Variants in MACROH2A1 observed in about 807,000 individuals in gnomAD.
The protein encoded by MACROH2A1 is macroH2A.1 histone, also known as core histone macro-H2A.1.
Under a neutral mutation model 31.6 loss-of-function variants are expected in MACROH2A1, and 2 were observed. That is an observed-to-expected ratio of 0.06 (90% CI 0.03 to 0.20). The LOEUF (loss-of-function observed/expected upper bound fraction) is 0.20, where lower values mean the gene tolerates loss of function less well. Among genes scored for constraint, MACROH2A1 ranks in the 10% least tolerant of loss-of-function variants. The pLI is 1.00. For synonymous variants in MACROH2A1, 169 were observed against 189.6 expected, an observed-to-expected ratio of 0.89 and a Z score of 0.89; for missense variants, 230 against 474.0, an observed-to-expected ratio of 0.49 and a Z score of 4.78.
At chr5:135,353,349 C>A in intron 5 of MACROH2A1, 1 of 342,246 alleles carries the variant, frequency 2.9e-6, no homozygotes, top group South Asian at 3.3e-5. Context: ...GATCTGGGGG[C>A]CAAAGTAAGG....
At position 135,360,370 on chromosome 5, in the gene MACROH2A1, A is replaced by G. The variant is rs1387778124; in HGVS notation, c.588+127T>C. On this transcript the variant is annotated intron_variant, in intron 5 of 8. Transcript: ENST00000511689. The stretch of plus-strand genomic sequence containing the variant: ...CCCTGAGGCCACTCCCAAAGCTCAC[A>G]GCCCACTCTGTCTACCCACGAGGCT... 3 of 666,806 alleles carry G rather than the reference A, an allele frequency of 4.5e-6. No homozygotes were observed. In the African/African-American group the frequency reaches 5.4e-5, roughly 12 times the overall value. 41.3% of individuals were successfully genotyped at this position (666,806 alleles called of 1,614,324 possible).
At position 135,350,958 on chromosome 5, in the gene MACROH2A1, C is replaced by T. The variant is rs369522859; in HGVS notation, c.688+1988G>A. ...GTATATCAACTGTGTTGGACCGAGA[C>T]CCACGCACAGGCACATTTACTAATG... On this transcript the variant is annotated intron_variant, in intron 6 of 8. Transcript: ENST00000511689. The T allele has an allele frequency of 9.2e-6, 12 of 1,298,436 alleles. No homozygotes were observed. In the African/African-American group the frequency reaches 1.2e-4, roughly 13 times the overall value. 80.4% of individuals were successfully genotyped at this position (1,298,436 alleles called of 1,614,324 possible). A position where few individuals can be genotyped will look rare whatever the true frequency, so the allele number is the denominator to read the frequency against.
chr5:135,340,736 C>T (rs1177552401), intron 8 of MACROH2A1, among the ~76,000 whole-genome samples: 1 of 152,258 alleles, frequency 6.6e-6, no homozygotes, highest in African/African-American at 2.4e-5. Context: ...GCCAGAGACA[C>T]TGGATGCAAC....
chr5:135,354,718 C>T (rs897691122), intron 5 of MACROH2A1: 8 of 274,032 alleles, frequency 2.9e-5, no homozygotes, highest in African/African-American at 1.8e-4. Context: ...GGCACAGAGT[C>T]GGGGGCCTTA....
chr5:135,350,737 C>T, intron 6 of MACROH2A1: 2 of 791,406 alleles, frequency 2.5e-6, no homozygotes, highest in Non-Finnish European at 4.4e-6. Flanking sequence ...GAATGCAGCC[C>T]TGCATAGCTG....
intron 1 of MACROH2A1, among the ~76,000 whole-genome samples, chr5:135,389,652 G>A (rs1264405948): frequency 1.3e-5 from 2 of 152,186 alleles, no homozygotes; most frequent in Non-Finnish European, 2.9e-5. Context: ...GGCCCTCTGA[G>A]CACTTCTAGT....
At position 135,370,078 on chromosome 5, in the gene MACROH2A1, C is replaced by T; in HGVS notation, c.237G>A (p.Arg79=). The change falls in exon 3 of 9, where the codon CGG becomes CGA. Residue 79 remains arginine, a synonymous_variant. Transcript: ENST00000511689. ...CATTGGCCACAGCCAGCAGGATGTG[C>T]CGGGGTGTGACCCGTCCCTTCTTGT... ...RDNKKGRVTP[R]HILLAVANDE... is the part of the protein sequence containing the mutation. 1 of 1,613,706 alleles carries T rather than the reference C, an allele frequency of 6.2e-7. No homozygotes were observed. Among genetic ancestry groups the T allele is most frequent in the Non-Finnish European group, 8.5e-7 (1 of 1,179,648 alleles).
intron 4 of MACROH2A1, among the ~76,000 whole-genome samples, chr5:135,366,937 A>C (rs1581246177): frequency 6.6e-6 from 1 of 152,170 alleles, no homozygotes; most frequent in Non-Finnish European, 1.5e-5. Flanking sequence ...GGCTCTGGAC[A>C]CCCAGCCCCT....
rs745664062 is a variant in MACROH2A1 at position 135,343,161 on chromosome 5, T to C, written c.953+99A>G. The stretch of plus-strand genomic sequence containing the variant: ...TCTGGTCTCCTTGGTTAAGGCAGCC[T>C]CCGTGGGCCTTGCACAGAGTGAGAG... On this transcript the variant is annotated intron_variant, in intron 8 of 8. Transcript: ENST00000511689. 2.5e-6 allele frequency: 4 copies of C among 1,596,868 alleles called. No homozygotes were observed. In the South Asian group the frequency reaches 4.4e-5, roughly 18 times the overall value.
At chr5:135,360,931 T>C in intron 4 of MACROH2A1, 1 of 434,308 alleles carries the variant, frequency 2.3e-6, no homozygotes, top group South Asian at 2.0e-5. Flanking sequence ...ATTAAGGATC[T>C]TTAAGTGTCT....
chr5:135,347,486 A>C (rs995009089), intron 6 of MACROH2A1: 2 of 152,216 alleles, frequency 1.3e-5, no homozygotes, highest in Non-Finnish European at 2.9e-5. Context: ...TCATGATCTC[A>C]GACTGCCCTC....
upstream of MACROH2A1, chr5:135,399,273 C>T (rs1209386639): frequency 4.6e-5 from 7 of 151,810 alleles, no homozygotes; most frequent in African/African-American, 1.2e-4. The surrounding 1 kb of genome is among the most constrained non-coding windows in gnomAD (Gnocchi z 4.5). Context: ...CACAGCGCGC[C>T]GCTCGTCACA....
chr5:135,374,055 C>T (rs932362635), intron 2 of MACROH2A1, among the ~76,000 whole-genome samples: 3 of 152,122 alleles, frequency 2.0e-5, no homozygotes, highest in East Asian at 1.9e-4. Context: ...AGCAGAGGGC[C>T]GGGGCATTTC....
intron 5 of MACROH2A1, chr5:135,358,118 A>T (rs1238064080): frequency 1.0e-6 from 1 of 984,236 alleles, no homozygotes; most frequent in Non-Finnish European, 1.2e-6. Context: ...TTTTGTAAAA[A>T]CTGTGTGTTA....
chr5:135,336,067 G>C (rs1224013074), intron 8 of MACROH2A1, among the ~76,000 whole-genome samples: 1 of 152,230 alleles, frequency 6.6e-6, no homozygotes, highest in African/African-American at 2.4e-5. Flanking sequence ...TACAGTCACA[G>C]ATCCGCCTGA....
In MACROH2A1 at chr5:135,398,367, G is replaced by T. The variant is rs1035403107; in HGVS notation, c.-34+695C>A. Reference sequence around the variant, plus strand: ...CTTCCGGAGTTACCTTTTAAAAAAAGCAAACCCTTCCTACCACAAAGCAAA... The same window carrying T: ...CTTCCGGAGTTACCTTTTAAAAAAATCAAACCCTTCCTACCACAAAGCAAA... On this transcript the variant is annotated intron_variant, in intron 1 of 8. Transcript: ENST00000511689. This position sits in a 1 kb window ranked among gnomAD's most constrained non-coding sequence, Gnocchi z 4.6. 6.6e-6 allele frequency among the ~76,000 whole-genome samples: 1 copy of T among 152,166 alleles called. No individual in the cohort carries two copies. Among genetic ancestry groups the T allele is most frequent in the Non-Finnish European group, 1.5e-5 (1 of 68,034 alleles).
chr5:135,359,795 TC>T, intron 5 of MACROH2A1: 1 of 950,642 alleles, frequency 1.1e-6, no homozygotes, highest in Non-Finnish European at 1.3e-6. Flanking sequence ...AATTCTTTCT[TC>T]CCACCCCTTT....
chr5:135,358,364 C>T (rs1202757992), intron 5 of MACROH2A1: 9 of 985,268 alleles, frequency 9.1e-6, no homozygotes, highest in African/African-American at 1.7e-5. Context: ...GGAGTTTATT[C>T]TGCTAAACAG....
chr5:135,380,519 C>T (rs1049657714), intron 2 of MACROH2A1, among the ~76,000 whole-genome samples: 2 of 152,316 alleles, frequency 1.3e-5, no homozygotes, highest in South Asian at 4.1e-4. Context: ...GGTTCCGTAG[C>T]AGGCAGCATG....
Sources: allele counts gnomAD v4.1 joint callset (sites outside exome capture counted in the v4.1 genomes callset), GRCh38; gene constraint gnomAD v4.1.1; non-coding constraint Gnocchi (gnomAD v3.1); transcripts MANE v1.5; gene names NCBI Gene and HGNC (gene_info 2026-07-23, HGNC 2026-07-21).